The following ITGA9 variants were observed in gnomAD, a reference collection of about 807,000 sequenced individuals.
The protein encoded by ITGA9 is integrin subunit alpha 9.
Under a neutral mutation model 127.8 loss-of-function variants are expected in ITGA9, and 56 were observed. The ratio of observed to expected loss-of-function variants is 0.44; its 90% CI spans 0.35 to 0.55. The LOEUF (loss-of-function observed/expected upper bound fraction) is 0.55, where lower values mean the gene tolerates loss of function less well. Among genes scored for constraint, ITGA9 ranks in the 20% least tolerant of loss-of-function variants. The probability of loss-of-function intolerance (pLI) is 0.00; values close to 1 mark genes in which losing one functional copy is unlikely to be tolerated. For synonymous variants in ITGA9, 508 were observed against 514.5 expected, an observed-to-expected ratio of 0.99 and a Z score of 0.17; for missense variants, 1,196 against 1,347.1, an observed-to-expected ratio of 0.89 and a Z score of 1.76.
chr3:37,458,655 CGTGAATCACT>C (rs952122863), intron 1 of ITGA9, among the ~76,000 whole-genome samples: 5 of 152,226 alleles, frequency 3.3e-5, no homozygotes, highest in Non-Finnish European at 7.3e-5. Context: ...GCCTGCCACG[CGTGAATCACT>C]GTGTTGGGAG....
At chr3:37,795,585 C>T (rs1192194615) in intron 26 of ITGA9, among the ~76,000 whole-genome samples, 1 of 152,128 alleles carries the variant, frequency 6.6e-6, no homozygotes, top group Non-Finnish European at 1.5e-5. Context: ...GAGACAGATC[C>T]TCATACTCCC....
intron 15 of ITGA9, among the ~76,000 whole-genome samples, chr3:37,603,324 T>C (rs6550489): frequency 0.53 from 80,343 of 152,058 alleles, 21,790 homozygotes; most frequent in East Asian, 0.61. Flanking sequence ...AGTATAGCAA[T>C]GATTTACATA....
intron 18 of ITGA9, among the ~76,000 whole-genome samples, chr3:37,724,609 C>T (rs1275429556): frequency 6.6e-6 from 1 of 152,150 alleles, no homozygotes; most frequent in African/African-American, 2.4e-5. Flanking sequence ...GATTCTCCTG[C>T]CTCAGCCTCC....
At chr3:37,513,015 A>G (rs894448588) in intron 8 of ITGA9, among the ~76,000 whole-genome samples, 2 of 152,166 alleles carry the variant, frequency 1.3e-5, no homozygotes, top group Non-Finnish European at 2.9e-5. Context: ...TTTTTCTGTC[A>G]CTTCAGCTCA....
chr3:37,460,639 G>A (rs1698306595), intron 1 of ITGA9, among the ~76,000 whole-genome samples: 1 of 147,078 alleles, frequency 6.8e-6, no homozygotes, highest in Non-Finnish European at 1.5e-5. Flanking sequence ...ACCCAGGCTG[G>A]AGTGCAGTGG....
intron 1 of ITGA9, among the ~76,000 whole-genome samples, chr3:37,455,776 AAGGG>A (rs1698249348): frequency 6.6e-6 from 1 of 152,162 alleles, no homozygotes; most frequent in African/African-American, 2.4e-5. Flanking sequence ...TCTCTAGGGA[AAGGG>A]AGGGAGAAGA....
At chr3:37,567,513 C>T (rs1699559302) in intron 15 of ITGA9, among the ~76,000 whole-genome samples, 1 of 152,152 alleles carries the variant, frequency 6.6e-6, no homozygotes, top group Non-Finnish European at 1.5e-5. Flanking sequence ...CTCATTTCAG[C>T]ATTAACTCAA....
At chr3:37,573,590 C>T (rs1366642812) in intron 15 of ITGA9, among the ~76,000 whole-genome samples, 1 of 152,166 alleles carries the variant, frequency 6.6e-6, no homozygotes, top group East Asian at 1.9e-4. Flanking sequence ...CGTGTGGCCT[C>T]TCAATGTGGT....
chr3:37,610,263 C>G (rs1289562699), intron 15 of ITGA9, among the ~76,000 whole-genome samples: 3 of 152,000 alleles, frequency 2.0e-5, no homozygotes, highest in Non-Finnish European at 4.4e-5. Flanking sequence ...TTGTATTTAC[C>G]CCAGAGGAAG....
At chr3:37,518,561 A>C (rs1212873960) in intron 10 of ITGA9, among the ~76,000 whole-genome samples, 1 of 152,196 alleles carries the variant, frequency 6.6e-6, no homozygotes, top group Non-Finnish European at 1.5e-5. Context: ...ATCAAATAAT[A>C]ATAAGGAATG....
intron 15 of ITGA9, among the ~76,000 whole-genome samples, chr3:37,557,609 T>TA (rs930827755): frequency 1.1e-4 from 16 of 151,890 alleles, no homozygotes; most frequent in African/African-American, 2.2e-4. Context: ...TTGCTTCTTT[T>TA]AAAAAAAATG....
At chr3:37,466,024 C>T (rs1322000671) in intron 1 of ITGA9, among the ~76,000 whole-genome samples, 1 of 152,124 alleles carries the variant, frequency 6.6e-6, no homozygotes, top group Admixed American at 6.6e-5. Flanking sequence ...GCTTCCCTAT[C>T]TGTAAAATGG....
At chr3:37,733,967 C>T (rs1696328294) in intron 19 of ITGA9, among the ~76,000 whole-genome samples, 1 of 152,224 alleles carries the variant, frequency 6.6e-6, no homozygotes, top group Admixed American at 6.5e-5. Flanking sequence ...TTGGGTAACA[C>T]TGCCCCAAAC....
intron 20 of ITGA9, among the ~76,000 whole-genome samples, chr3:37,739,521 A>G (rs1185477036): frequency 1.3e-5 from 2 of 152,170 alleles, no homozygotes; most frequent in Non-Finnish European, 2.9e-5. Context: ...CCTTTCTTCC[A>G]TCACCACCCT....
intron 26 of ITGA9, among the ~76,000 whole-genome samples, chr3:37,798,089 C>G (rs570460197): frequency 6.6e-6 from 1 of 152,288 alleles, no homozygotes; most frequent in African/African-American, 2.4e-5. Context: ...ATCCCATGCT[C>G]AAATGATCCT....
chr3:37,692,728 T>C (rs1389841765), intron 18 of ITGA9, among the ~76,000 whole-genome samples: 1 of 152,178 alleles, frequency 6.6e-6, no homozygotes, highest in African/African-American at 2.4e-5. Flanking sequence ...TTCAAATATG[T>C]GATGCACGTA....
rs115944985 is a variant in ITGA9 at position 37,667,455 on chromosome 3, A to G, written c.1916+13665A>G. ...GCTGAGGACAGCAGCAAAGGCAGAT[A>G]AGGGATGTGTCCACAGCACGTCCAC... is the stretch of plus-strand genomic sequence containing the variant. On this transcript the variant is annotated intron_variant, in intron 17 of 27. Transcript: ENST00000264741. 7.3e-3 allele frequency among the ~76,000 whole-genome samples: 1,108 copies of G among 152,330 alleles called. 9 individuals are homozygous for G. The highest frequency in any genetic ancestry group is 0.015 in the South Asian group (74 of 4,828).
At chr3:37,633,227 G>T (rs1700243887) in intron 16 of ITGA9, among the ~76,000 whole-genome samples, 1 of 151,726 alleles carries the variant, frequency 6.6e-6, no homozygotes, top group South Asian at 2.1e-4. Flanking sequence ...TTCTTTTATG[G>T]GTAAGAAAAA....
At chr3:37,556,240 G>A (rs1699429765) in intron 15 of ITGA9, among the ~76,000 whole-genome samples, 1 of 152,200 alleles carries the variant, frequency 6.6e-6, no homozygotes, top group Non-Finnish European at 1.5e-5. Context: ...AGCTGAAATG[G>A]GGAGCAGAAT....
Sources: gnomAD v4.1 joint callset for allele counts (sites outside exome capture counted in the v4.1 genomes callset) on GRCh38, gnomAD v4.1.1 for gene constraint, MANE v1.5 for transcripts, NCBI Gene and HGNC (gene_info 2026-07-23, HGNC 2026-07-21) for gene names.